FBXO11: variants seen among roughly 807,000 people sequenced by gnomAD.
The protein encoded by FBXO11 is F-box only protein 11.
FBXO11 carries 13 observed loss-of-function variants against 117.0 expected under a neutral mutation model. That is an observed-to-expected ratio of 0.11 (90% CI 0.07 to 0.18). The LOEUF (loss-of-function observed/expected upper bound fraction) is 0.18. Among genes scored for constraint, FBXO11 ranks in the 10% least tolerant of loss-of-function variants. The pLI is 1.00. For synonymous variants in FBXO11, 490 were observed against 380.5 expected (o/e 1.29, Z -3.35); for missense variants, 767 against 1,164.4 (o/e 0.66, Z 4.97).
At chr2:47,840,007 A>G (rs920872908) in intron 1 of FBXO11, among the ~76,000 whole-genome samples, 5 of 151,120 alleles carry the variant, frequency 3.3e-5, no homozygotes, top group Admixed American at 6.6e-5. Flanking sequence ...GCAGTGGCGC[A>G]ATCTCGGCTC....
At chr2:47,860,655 C>T (rs887043596) in intron 1 of FBXO11, among the ~76,000 whole-genome samples, 1 of 151,910 alleles carries the variant, frequency 6.6e-6, no homozygotes, top group Non-Finnish European at 1.5e-5. Context: ...AATCCACCTG[C>T]CTCGGCCTCC....
At chr2:47,808,936 A>T (rs539052165) in intron 21 of FBXO11, 11 of 402,896 alleles carry the variant, frequency 2.7e-5, no homozygotes, top group Middle Eastern at 6.9e-4. Context: ...GGCTCCAGTG[A>T]TCCTCCCACT....
At chr2:47,896,859 G>A (rs2104020052) in intron 1 of FBXO11, among the ~76,000 whole-genome samples, 1 of 152,192 alleles carries the variant, frequency 6.6e-6, no homozygotes, top group South Asian at 2.1e-4. Flanking sequence ...AGAACACTTT[G>A]CTAAAAATAC....
At chr2:47,865,585 G>C (rs1293489604) in intron 1 of FBXO11, among the ~76,000 whole-genome samples, 5 of 152,308 alleles carry the variant, frequency 3.3e-5, no homozygotes, top group Middle Eastern at 3.4e-3. Context: ...TCACAACAGA[G>C]AGGAATAAAC....
chr2:47,810,674 T>A (rs1196363010), intron 18 of FBXO11: 1 of 360,968 alleles, frequency 2.8e-6, no homozygotes, highest in African/African-American at 2.1e-5. Flanking sequence ...GGTCCATGTC[T>A]AAGTTTACTC....
At chr2:47,879,149 G>T (rs919330638) in intron 1 of FBXO11, among the ~76,000 whole-genome samples, 1 of 152,084 alleles carries the variant, frequency 6.6e-6, no homozygotes, top group East Asian at 1.9e-4. Flanking sequence ...CAGCTGCATG[G>T]TATTCCATTA....
chr2:47,862,565 T>C (rs1035239683), intron 1 of FBXO11, among the ~76,000 whole-genome samples: 6 of 152,206 alleles, frequency 3.9e-5, no homozygotes, highest in African/African-American at 1.2e-4. Context: ...GCTAGGACTA[T>C]TGTGCCACCA....
rs1019431168 is a variant in FBXO11 at position 47,836,016 on chromosome 2, G to C, written c.588-15C>G. On this transcript the variant is annotated splice_polypyrimidine_tract_variant and intron_variant, in intron 4 of 22. Coordinates refer to ENST00000403359, the MANE Select transcript of FBXO11 (RefSeq NM_001190274.2). The stretch of plus-strand genomic sequence containing the variant: ...ATAATCGTTTCCTGAACAGAGAAAG[G>C]AATTAAAATTTTCTTGATAAAATGT... The C allele has an allele frequency of 4.5e-6, 7 of 1,545,726 alleles. No individual in the cohort carries two copies. In the African/African-American group the frequency reaches 8.3e-5, roughly 18 times the overall value.
intron 1 of FBXO11, among the ~76,000 whole-genome samples, chr2:47,862,162 C>T (rs1240557745): frequency 6.6e-6 from 1 of 152,184 alleles, no homozygotes; most frequent in African/African-American, 2.4e-5. Context: ...CTCAAGTGAT[C>T]TGCCTGTTTC....
intron 1 of FBXO11, among the ~76,000 whole-genome samples, chr2:47,897,795 G>A (rs1003047380): frequency 3.3e-5 from 5 of 150,870 alleles, no homozygotes; most frequent in Admixed American, 2.6e-4. Context: ...AAGGAGTGTT[G>A]TTCACTAGGA....
intron 1 of FBXO11, among the ~76,000 whole-genome samples, chr2:47,841,705 A>C (rs917511269): frequency 3.9e-5 from 6 of 152,108 alleles, no homozygotes; most frequent in African/African-American, 1.4e-4. Context: ...CAGTGGCGTG[A>C]TCTCAGCTCA....
intron 7 of FBXO11, among the ~76,000 whole-genome samples, chr2:47,834,370 G>C (rs374713187): frequency 6.6e-6 from 1 of 151,910 alleles, no homozygotes; most frequent in Non-Finnish European, 1.5e-5. Flanking sequence ...AAAAGGTTGG[G>C]GGGGGCGGGG....
rs1672851741 is a variant in FBXO11, at chr2:47,839,477, T to C, written c.384A>G (p.Glu128=). The change falls in exon 3 of 23, where the codon GAA becomes GAG. Residue 128 remains glutamate, a synonymous_variant. Transcript: ENST00000403359. ...CACGTTTTGCACGATGACCAAAGTT[T>C]TCTGTAGTTGAAGTTGAGGCGCCCT... is the stretch of plus-strand genomic sequence containing the variant. ...SMEGASTSTT[E]NFGHRAKRAR... 4 of 1,614,034 alleles carry C rather than the reference T, an allele frequency of 2.5e-6. No homozygotes were observed. The highest frequency in any genetic ancestry group is 3.4e-6 in the Non-Finnish European group (4 of 1,180,008).
In FBXO11 at chr2:47,808,093, A is replaced by C; in HGVS notation, c.*25T>G. ...TTTTAAGTTATGATGTTACAATGGC[A>C]GGACTTTTTCTTTAGGGAAGGAATT... On this transcript the variant is annotated 3_prime_UTR_variant, in exon 23 of 23. Transcript: ENST00000403359. The C allele has an allele frequency of 1.3e-6, 2 of 1,585,094 alleles. No homozygotes were observed. Among genetic ancestry groups the C allele is most frequent in the Non-Finnish European group, 1.7e-6 (2 of 1,165,526 alleles).
intron 1 of FBXO11, among the ~76,000 whole-genome samples, chr2:47,884,486 A>G (rs1199911947): frequency 1.3e-5 from 2 of 152,222 alleles, no homozygotes; most frequent in African/African-American, 4.8e-5. Flanking sequence ...TCTGGAGTTT[A>G]CATATGTCTT....
In FBXO11 at chr2:47,823,329, T is replaced by C. The variant is rs1318547217; in HGVS notation, c.1430A>G (p.Asn477Ser). 6.2e-7 allele frequency: 1 copy of C among 1,612,286 alleles called. No individual in the cohort carries two copies. Among genetic ancestry groups the C allele is most frequent in the Non-Finnish European group, 8.5e-7 (1 of 1,179,196 alleles). ...TTTTACTTCAAAGCCTGCTATCCTA[T>C]TTCTGTGTATATTGCAACTTTCAAA... ...GYFESCNIHR[N>S]RIAGFEVKAY... The change falls in exon 12 of 23, where the codon AAT (asparagine) becomes AGT (serine). Residue 477 changes from asparagine (N) to serine (S), a missense_variant. Coordinates refer to ENST00000403359, the MANE Select transcript of FBXO11 (RefSeq NM_001190274.2).
Position 47,809,230 on chromosome 2 carries a change from T to C in FBXO11, c.2483A>G (p.Lys828Arg). ...TAAACATTGGCCTCTACTAACAGCC[T>C]TTTCTATGGCATCTTGATTGTTCAT... ...KIMNNQDAIE[K>R]AVSRGQCLYK... Residue 828 changes from lysine to arginine, a missense_variant, in exon 21 of 23, where the codon AAG becomes AGG. Physicochemically the swap from Lys to Arg is conservative, Grantham distance 26. Around this residue, in one of 10 missense-constraint regions of FBXO11, gnomAD observed 66 missense variants for 82.7 expected, o/e 0.80. Coordinates refer to ENST00000403359, the MANE Select transcript of FBXO11 (RefSeq NM_001190274.2). 1.2e-6 allele frequency: 2 copies of C among 1,604,148 alleles called. No homozygotes were observed. The highest frequency in any genetic ancestry group is 1.7e-6 in the Non-Finnish European group (2 of 1,172,966).
intron 1 of FBXO11, among the ~76,000 whole-genome samples, chr2:47,899,595 A>G (rs1677942508): frequency 6.6e-6 from 1 of 152,166 alleles, no homozygotes; most frequent in South Asian, 2.1e-4. Context: ...CAGGATTAGA[A>G]CCCATATCTA....
chr2:47,871,412 T>C (rs1164123061), intron 1 of FBXO11, among the ~76,000 whole-genome samples: 1 of 152,196 alleles, frequency 6.6e-6, no homozygotes, highest in Non-Finnish European at 1.5e-5. Context: ...GGCCGACAGT[T>C]TGAGTGCAAC....
Sources: allele counts gnomAD v4.1 joint callset (sites outside exome capture counted in the v4.1 genomes callset), GRCh38; gene constraint gnomAD v4.1.1; regional missense constraint gnomAD v4.1.1; transcripts MANE v1.5; gene names NCBI Gene and HGNC (gene_info 2026-07-23, HGNC 2026-07-21).